TENM3: variants seen among roughly 807,000 people sequenced by gnomAD.
The protein encoded by TENM3 is teneurin transmembrane protein 3.
TENM3 carries 63 observed loss-of-function variants against 255.1 expected under a neutral mutation model. The ratio of observed to expected loss-of-function variants is 0.25; its 90% CI spans 0.20 to 0.30. The LOEUF (loss-of-function observed/expected upper bound fraction) is 0.30. TENM3 is among the 10% of genes least tolerant of loss of function. The probability of loss-of-function intolerance (pLI) is 1.00; values close to 1 mark genes in which losing one functional copy is unlikely to be tolerated. For missense variants in TENM3, 2,929 were observed against 3,461.1 expected (o/e 0.85, Z 3.86); for synonymous variants, 1,306 against 1,322.3 (o/e 0.99, Z 0.27).
intron 3 of TENM3, among the ~76,000 whole-genome samples, chr4:182,528,036 A>T (rs754415330): frequency 2.6e-5 from 4 of 152,220 alleles, no homozygotes; most frequent in Non-Finnish European, 5.9e-5. Flanking sequence ...TAGGCCAGAG[A>T]TTTTTAAAAA....
chr4:182,724,617 G>C (rs956595280), intron 13 of TENM3, among the ~76,000 whole-genome samples: 1 of 152,182 alleles, frequency 6.6e-6, no homozygotes, highest in African/African-American at 2.4e-5. Context: ...CAGACTACAT[G>C]CCAGATGTAC....
At chr4:182,346,192 G>T (rs563735209) in intron 2 of TENM3, among the ~76,000 whole-genome samples, 1 of 152,166 alleles carries the variant, frequency 6.6e-6, no homozygotes. Flanking sequence ...TACTGTTTGA[G>T]TAACTTATTC....
intron 1 of TENM3, among the ~76,000 whole-genome samples, chr4:182,174,820 C>A (rs1023082838): frequency 6.6e-6 from 1 of 151,988 alleles, no homozygotes; most frequent in Non-Finnish European, 1.5e-5. Context: ...AGTTTGGTCT[C>A]CTTTCTAATT....
At chr4:182,667,922 C>T (rs561765317) in intron 6 of TENM3, among the ~76,000 whole-genome samples, 5 of 151,786 alleles carry the variant, frequency 3.3e-5, no homozygotes, top group Non-Finnish European at 7.4e-5. Context: ...ACGTTTTGCA[C>T]GTGTACCCTA....
the TENM3 span, among the ~76,000 whole-genome samples, chr4:181,772,509 AC>A: frequency 1.3e-5 from 2 of 152,222 alleles, no homozygotes; most frequent in Non-Finnish European, 2.9e-5. Flanking sequence ...CTGAGCTAAT[AC>A]TTTGATTTTA....
chr4:182,679,311 T>G (rs1755924149), intron 7 of TENM3, among the ~76,000 whole-genome samples: 1 of 152,308 alleles, frequency 6.6e-6, no homozygotes, highest in African/African-American at 2.4e-5. Flanking sequence ...GCATTAAAAA[T>G]AAGCCTGCTG....
chr4:181,579,664 C>A, the TENM3 span, among the ~76,000 whole-genome samples: 1 of 152,172 alleles, frequency 6.6e-6, no homozygotes, highest in Non-Finnish European at 1.5e-5. Context: ...TTCAACTCGG[C>A]ATCTTTTTTC....
intron 1 of TENM3, among the ~76,000 whole-genome samples, chr4:182,313,460 A>G (rs967844142): frequency 1.3e-5 from 2 of 152,058 alleles, no homozygotes; most frequent in Non-Finnish European, 2.9e-5. Context: ...TGTTCATAAT[A>G]TATTAAGTAA....
chr4:182,269,331 A>T (rs1023145067), intron 1 of TENM3, among the ~76,000 whole-genome samples: 2 of 152,222 alleles, frequency 1.3e-5, no homozygotes, highest in Non-Finnish European at 2.9e-5. Context: ...AAGAAAGGAA[A>T]AATCATAGAG....
chr4:182,619,783 A>G (rs2152449545), intron 4 of TENM3, among the ~76,000 whole-genome samples: 1 of 152,170 alleles, frequency 6.6e-6, no homozygotes, highest in Middle Eastern at 3.2e-3. Flanking sequence ...TCTCTCTTCA[A>G]GTGTGTCTCT....
Position 182,207,671 on chromosome 4 carries a change from AT to A in TENM3, c.-76+62921del, listed in dbSNP as rs1754677146. ...TTTCTAAGAACTACTTATAAAGCAA[AT>A]TTTGGGTGTCTGAAAATTTCTTAAT... On this transcript the variant is annotated intron_variant, in intron 1 of 2. Coordinates refer to the TENM3 transcript ENST00000512480. Among the ~76,000 whole-genome samples, 3 of 152,338 alleles carry A rather than the reference AT, an allele frequency of 2.0e-5. No homozygotes were observed. The South Asian group carries it at 6.2e-4, about 32-fold the overall frequency.
chr4:182,286,228 G>A lies in TENM3; in HGVS notation c.-75-37718G>A, dbSNP rs575803092. On this transcript the variant is annotated intron_variant, in intron 1 of 27. Coordinates refer to ENST00000511685, the MANE Select transcript of TENM3 (RefSeq NM_001080477.4). ...CCTGGTGATTCATGAAGACAGCTGT[G>A]TCTTTGCCACAAGGAACAGTGGCCA... Among the ~76,000 whole-genome samples, 4 of 152,326 alleles carry A rather than the reference G, an allele frequency of 2.6e-5. No homozygotes were observed. In the South Asian group the frequency reaches 8.3e-4, roughly 32 times the overall value.
the TENM3 span, among the ~76,000 whole-genome samples, chr4:182,095,707 T>G: frequency 2.0e-5 from 3 of 151,938 alleles, no homozygotes; most frequent in Non-Finnish European, 4.4e-5. Flanking sequence ...TCAACATAAC[T>G]AGAAAAGTGG....
At chr4:182,719,257 T>C (rs1467749688) in intron 13 of TENM3, among the ~76,000 whole-genome samples, 9 of 123,570 alleles carry the variant, frequency 7.3e-5, no homozygotes, top group Non-Finnish European at 1.4e-4. Flanking sequence ...TTTTTCTTTT[T>C]TTTTTTTTTT....
At chr4:182,469,646 G>A (rs370579401) in intron 3 of TENM3, among the ~76,000 whole-genome samples, 27 of 151,792 alleles carry the variant, frequency 1.8e-4, no homozygotes, top group East Asian at 7.7e-4. Context: ...CCTGGGAGGC[G>A]GAGGTTGCAG....
At chr4:182,664,814 G>A (rs535948752) in intron 6 of TENM3, among the ~76,000 whole-genome samples, 1 of 152,308 alleles carries the variant, frequency 6.6e-6, no homozygotes, top group South Asian at 2.1e-4. Flanking sequence ...GAGCAAGGCT[G>A]TCTCTTCAAA....
intron 1 of TENM3, among the ~76,000 whole-genome samples, chr4:182,263,722 C>T (rs1320550826): frequency 6.6e-6 from 1 of 152,092 alleles, no homozygotes; most frequent in Non-Finnish European, 1.5e-5. Flanking sequence ...GCTTTTTATT[C>T]GCTCCTTTCC....
the TENM3 span, among the ~76,000 whole-genome samples, chr4:181,802,755 A>T: frequency 1.3e-5 from 2 of 152,038 alleles, no homozygotes; most frequent in East Asian, 3.9e-4. Context: ...TATCATTTCA[A>T]CTCTTTATAG....
chr4:182,089,229 A>T, the TENM3 span, among the ~76,000 whole-genome samples: 1 of 152,194 alleles, frequency 6.6e-6, no homozygotes, highest in African/African-American at 2.4e-5. Context: ...AGATGAATAC[A>T]ACCATTTTAC....
Sources: allele counts gnomAD v4.1 joint callset (sites outside exome capture counted in the v4.1 genomes callset), GRCh38; gene constraint gnomAD v4.1.1; transcripts MANE v1.5; gene names NCBI Gene and HGNC (gene_info 2026-07-23, HGNC 2026-07-21).